The following FMN2 variants were observed in gnomAD, a reference collection of about 807,000 sequenced individuals.
The protein encoded by FMN2 is formin-2.
FMN2 carries 51 observed loss-of-function variants against 142.3 expected under a neutral mutation model. That is an observed-to-expected ratio of 0.36 (90% CI 0.29 to 0.45). FMN2 has a LOEUF of 0.45. Among genes scored for constraint, FMN2 ranks in the 20% least tolerant of loss-of-function variants. The pLI is 1.00. For synonymous variants in FMN2, 882 were observed against 869.8 expected, an observed-to-expected ratio of 1.01 and a Z score of -0.25; for missense variants, 1,936 against 2,122.8, an observed-to-expected ratio of 0.91 and a Z score of 1.73.
chr1:240,437,002 C>G (rs1460042381), intron 15 of FMN2, among the ~76,000 whole-genome samples: 2 of 152,140 alleles, frequency 1.3e-5, no homozygotes, highest in African/African-American at 4.8e-5. Context: ...GTTCTCTTGC[C>G]ACGCGTTATC....
chr1:240,271,772 T>C (rs918641345), intron 7 of FMN2, among the ~76,000 whole-genome samples: 4 of 152,102 alleles, frequency 2.6e-5, no homozygotes, highest in East Asian at 3.9e-4. Flanking sequence ...AATATGAGAA[T>C]TTGTTTTAAT....
At chr1:240,201,213 C>A (rs190197372) in intron 4 of FMN2, among the ~76,000 whole-genome samples, 2 of 152,306 alleles carry the variant, frequency 1.3e-5, no homozygotes, top group Admixed American at 6.5e-5. Flanking sequence ...CCAAATCCCT[C>A]TCCTTTTAAC....
intron 13 of FMN2, among the ~76,000 whole-genome samples, chr1:240,351,375 C>T (rs752054250): frequency 5.3e-5 from 8 of 152,052 alleles, no homozygotes; most frequent in African/African-American, 1.2e-4. Flanking sequence ...TGGACAGGTG[C>T]GTTTCATGAC....
At chr1:240,298,968 T>G (rs1379176555) in intron 8 of FMN2, among the ~76,000 whole-genome samples, 1 of 152,080 alleles carries the variant, frequency 6.6e-6, no homozygotes, top group Non-Finnish European at 1.5e-5. Flanking sequence ...TTTTTTTTTT[T>G]GAGGTGGAGT....
chr1:240,264,228 T>C (rs1347496915), intron 7 of FMN2, among the ~76,000 whole-genome samples: 2 of 152,148 alleles, frequency 1.3e-5, no homozygotes, highest in South Asian at 2.1e-4. Context: ...GCTGCTGTTT[T>C]GGTCTGCCAT....
intron 6 of FMN2, among the ~76,000 whole-genome samples, chr1:240,212,323 C>T (rs573754872): frequency 6.1e-4 from 93 of 152,250 alleles, no homozygotes; most frequent in African/African-American, 2.1e-3. Flanking sequence ...CCCTGTGACC[C>T]GTAGTTGGCT....
At chr1:240,440,132 G>A (rs980046597) in intron 16 of FMN2, among the ~76,000 whole-genome samples, 5 of 152,150 alleles carry the variant, frequency 3.3e-5, no homozygotes, top group Admixed American at 2.0e-4. Context: ...CAAGTGCATC[G>A]CTGTCGGAGA....
chr1:240,324,279 A>G (rs1671076414), intron 8 of FMN2, among the ~76,000 whole-genome samples: 1 of 152,188 alleles, frequency 6.6e-6, no homozygotes, highest in Admixed American at 6.5e-5. Flanking sequence ...TTTCCAGAGC[A>G]CTGTCGGATT....
At chr1:240,329,801 C>CTTTT (rs3841827) in intron 10 of FMN2, among the ~76,000 whole-genome samples, 1 of 149,312 alleles carries the variant, frequency 6.7e-6, no homozygotes, top group African/African-American at 2.5e-5. Flanking sequence ...AATTTGAAGG[C>CTTTT]TTTTTTTTTT....
At position 240,402,593 on chromosome 1, in the gene FMN2, GT is replaced by G. The variant is rs35955620; in HGVS notation, c.4910+10033del. ...TGGATTTCGGCAGAATATTGTTAAG[GT>G]TGGCTTCATCCCCATTGTGTGTGTT... On this transcript the variant is annotated intron_variant, in intron 15 of 17. Coordinates refer to ENST00000319653, the MANE Select transcript of FMN2 (RefSeq NM_020066.5). 3.9e-5 allele frequency among the ~76,000 whole-genome samples: 6 copies of G among 152,320 alleles called. No homozygotes were observed. In the South Asian group the frequency reaches 1.0e-3, roughly 26 times the overall value.
chr1:240,253,504 T>C (rs1423533679), intron 6 of FMN2, among the ~76,000 whole-genome samples: 4 of 152,220 alleles, frequency 2.6e-5, no homozygotes, highest in African/African-American at 9.6e-5. Context: ...ATTGTTTTTC[T>C]AATCTCTTTG....
intron 7 of FMN2, among the ~76,000 whole-genome samples, chr1:240,276,030 C>A (rs796127924): frequency 6.6e-6 from 1 of 152,090 alleles, no homozygotes; most frequent in Non-Finnish European, 1.5e-5. Context: ...GGGATCAAAC[C>A]AAATATGGTG....
In FMN2 at chr1:240,337,203, C is replaced by CT. The variant is rs752506621; in HGVS notation, c.4765+2999dup. ...TAGCCTATTAAAAATTATTCCTTTT[C>CT]TTTTTTTTTTTTTTTTTTTTTTTTT... On this transcript the variant is annotated intron_variant, in intron 13 of 17. Coordinates refer to ENST00000319653, the MANE Select transcript of FMN2 (RefSeq NM_020066.5). Among the ~76,000 whole-genome samples the CT allele has an allele frequency of 8.1e-3, 733 of 90,542 alleles. 5 individuals carry two copies. Among genetic ancestry groups the CT allele is most frequent in the East Asian group, 0.023 (66 of 2,876 alleles). The allele number at this position is 90,542 out of a possible 152,430, so 59.4% of individuals were successfully genotyped here.
rs773379622 is a variant in FMN2 at position 240,092,339 on chromosome 1, A to G, written c.230A>G (p.Asn77Ser). 5.0e-6 allele frequency: 8 copies of G among 1,608,580 alleles called. No individual in the cohort carries two copies. The African/African-American group carries it at 5.3e-5, about 11-fold the overall frequency. ...KSDSRASVFS[N>S]LRIRKNLSKG... Reference sequence around the variant, plus strand: ...GACTCCAGAGCCTCGGTGTTTTCCAACCTGCGGATCAGGAAGAATCTGTCC... The same window carrying G: ...GACTCCAGAGCCTCGGTGTTTTCCAGCCTGCGGATCAGGAAGAATCTGTCC... The change falls in exon 1 of 18, where the codon AAC becomes AGC. Residue 77 changes from asparagine (N) to serine (S), a missense_variant. Asn to Ser is a conservative substitution (Grantham distance 46). Transcript: ENST00000319653.
Position 240,440,965 on chromosome 1 carries a change from T to G in FMN2, c.5060+2755T>G, listed in dbSNP as rs1032332053. On this transcript the variant is annotated intron_variant, in intron 16 of 17. Coordinates refer to ENST00000319653, the MANE Select transcript of FMN2 (RefSeq NM_020066.5). ...CCCATCTGACATCTGACTGCCCAAA[T>G]GCACACCTATGCCCTGCTTTGGTGT... Among the ~76,000 whole-genome samples the G allele has an allele frequency of 2.7e-4, 41 of 150,866 alleles. 1 individual carries two copies. Among genetic ancestry groups the G allele is most frequent in the African/African-American group, 9.7e-4 (40 of 41,026 alleles).
intron 6 of FMN2, among the ~76,000 whole-genome samples, chr1:240,246,860 T>C (rs1668099453): frequency 6.6e-6 from 1 of 152,222 alleles, no homozygotes; most frequent in African/African-American, 2.4e-5. Flanking sequence ...TCTAATTTTA[T>C]AGATTTCAAA....
At chr1:240,284,473 T>G (rs529907097) in intron 7 of FMN2, among the ~76,000 whole-genome samples, 8 of 152,260 alleles carry the variant, frequency 5.3e-5, no homozygotes, top group African/African-American at 1.9e-4. Context: ...TTCTCTTTAA[T>G]TCCACTAGAA....
intron 4 of FMN2, among the ~76,000 whole-genome samples, chr1:240,189,628 G>C (rs1185749311): frequency 6.6e-6 from 1 of 152,198 alleles, no homozygotes; most frequent in Non-Finnish European, 1.5e-5. Flanking sequence ...AATGCGGCTA[G>C]GTTAGCTATC....
intron 15 of FMN2, among the ~76,000 whole-genome samples, chr1:240,432,811 T>G (rs890235138): frequency 1.3e-5 from 2 of 152,150 alleles, no homozygotes; most frequent in African/African-American, 4.8e-5. Context: ...TTTTTGTTCC[T>G]TCATAATTTA....
Sources: allele counts gnomAD v4.1 joint callset (sites outside exome capture counted in the v4.1 genomes callset), GRCh38; gene constraint gnomAD v4.1.1; transcripts MANE v1.5; gene names NCBI Gene and HGNC (gene_info 2026-07-23, HGNC 2026-07-21).